The following ARHGAP26 variants were observed in gnomAD, a reference collection of about 807,000 sequenced individuals.
The protein encoded by ARHGAP26 is Rho GTPase activating protein 26, also known as rho GTPase-activating protein 26.
ARHGAP26 carries 38 observed loss-of-function variants against 104.8 expected under a neutral mutation model. The observed-to-expected ratio is 0.36, with a 90% CI of 0.28 to 0.48. The LOEUF (loss-of-function observed/expected upper bound fraction) is 0.48. ARHGAP26 is among the 20% of genes least tolerant of loss of function. The pLI is 0.99. For missense variants in ARHGAP26, 704 were observed against 947.9 expected, an observed-to-expected ratio of 0.74 and a Z score of 3.38; for synonymous variants, 341 against 340.0, an observed-to-expected ratio of 1.00 and a Z score of -0.03.
At chr5:142,877,904 T>C (rs945443864) in intron 3 of ARHGAP26, among the ~76,000 whole-genome samples, 8 of 152,152 alleles carry the variant, frequency 5.3e-5, no homozygotes, top group Non-Finnish European at 1.2e-4. Context: ...TTGCAGATGG[T>C]TTGTGGAGAA....
chr5:143,064,623 A>G (rs1787220779), intron 17 of ARHGAP26, among the ~76,000 whole-genome samples: 1 of 152,178 alleles, frequency 6.6e-6, no homozygotes, highest in Admixed American at 6.5e-5. Flanking sequence ...GAGCACAACG[A>G]CATATTTTAA....
At chr5:142,866,430 T>G (rs1754295252) in intron 1 of ARHGAP26, among the ~76,000 whole-genome samples, 1 of 152,160 alleles carries the variant, frequency 6.6e-6, no homozygotes, top group Non-Finnish European at 1.5e-5. Context: ...TAATATCTAC[T>G]CAACAGAATG....
At chr5:142,785,927 C>T (rs1029004278) in intron 1 of ARHGAP26, among the ~76,000 whole-genome samples, 1 of 151,844 alleles carries the variant, frequency 6.6e-6, no homozygotes, top group Non-Finnish European at 1.5e-5. Flanking sequence ...GGCCTTCTAC[C>T]ATCTCTCTCT....
At chr5:142,790,179 G>C (rs1013341933) in intron 1 of ARHGAP26, among the ~76,000 whole-genome samples, 1 of 152,172 alleles carries the variant, frequency 6.6e-6, no homozygotes, top group Admixed American at 6.5e-5. Flanking sequence ...ATAGTGTAAA[G>C]TACCATGATG....
rs1427468777 is a variant in ARHGAP26 at position 143,134,106 on chromosome 5, G to A, written c.1837+1G>A. 8.1e-6 allele frequency: 13 copies of A among 1,608,546 alleles called. No individual in the cohort carries two copies. The highest frequency in any genetic ancestry group is 1.1e-5 in the South Asian group (1 of 90,010). ...CACACCGTTCAGTCAACAGAGAAACGTGAGTCTTTGCTGCATAGGGCCAGC... is the reference window on the plus strand; with the variant it reads ...CACACCGTTCAGTCAACAGAGAAACATGAGTCTTTGCTGCATAGGGCCAGC... On this transcript the variant is annotated splice_donor_variant, in intron 19 of 22. Transcript: ENST00000645722. LOFTEE classifies it high-confidence loss of function.
rs531571766 is a variant in ARHGAP26, at chr5:143,000,198, A to G, written c.1108-13882A>G. Among the ~76,000 whole-genome samples the G allele has an allele frequency of 2.6e-4, 40 of 152,320 alleles. No homozygotes were observed. The South Asian group carries it at 8.3e-3, about 32-fold the overall frequency. On this transcript the variant is annotated intron_variant, in intron 11 of 22. Coordinates refer to ENST00000645722, the MANE Select transcript of ARHGAP26 (RefSeq NM_001135608.3). ...GGGGTGTAAGTAAAATGGCACAACT[A>G]CTGTCGACAAAGGCTTGGAAGTTTT...
intron 5 of ARHGAP26, among the ~76,000 whole-genome samples, chr5:142,893,607 A>G (rs1232783451): frequency 2.0e-5 from 3 of 152,212 alleles, no homozygotes; most frequent in African/African-American, 7.2e-5. Context: ...TCTTTGGATA[A>G]ATACCAAGTA....
chr5:143,200,790 A>G (rs376615311), intron 20 of ARHGAP26, among the ~76,000 whole-genome samples: 2 of 152,242 alleles, frequency 1.3e-5, no homozygotes, highest in Non-Finnish European at 2.9e-5. Flanking sequence ...CTCCAGTTAC[A>G]GAACCTCTCA....
intron 11 of ARHGAP26, among the ~76,000 whole-genome samples, chr5:142,985,981 T>C (rs183943121): frequency 0.014 from 2,150 of 152,208 alleles, 55 homozygotes; most frequent in African/African-American, 0.045. Flanking sequence ...GTGTATGTGT[T>C]TTTATAGCAG....
chr5:143,006,359 GCTCT>G (rs567460083), intron 11 of ARHGAP26, among the ~76,000 whole-genome samples: 142 of 128,976 alleles, frequency 1.1e-3, no homozygotes, highest in African/African-American at 4.0e-3. Context: ...TCTCTCTTAT[GCTCT>G]CTATTTATCC....
rs193121897 is a variant in ARHGAP26 at position 142,854,079 on chromosome 5, T to G, written c.155-19321T>G. On this transcript the variant is annotated intron_variant, in intron 1 of 22. Transcript: ENST00000645722. The stretch of plus-strand genomic sequence containing the variant: ...AATGAGTAGCAAAATATTGGGGAAA[T>G]TATTATGTTTTTAAAAGCTTGTCAC... 1.5e-4 allele frequency among the ~76,000 whole-genome samples: 23 copies of G among 152,172 alleles called. 1 individual carries two copies. The East Asian group carries it at 3.7e-3, about 24-fold the overall frequency.
intron 1 of ARHGAP26, among the ~76,000 whole-genome samples, chr5:142,811,391 C>A (rs1365189919): frequency 2.0e-5 from 3 of 152,236 alleles, no homozygotes; most frequent in African/African-American, 7.2e-5. Context: ...CTTCAGCAAG[C>A]TCTCTCCATC....
At chr5:143,084,246 T>A (rs1214611002) in intron 17 of ARHGAP26, among the ~76,000 whole-genome samples, 2 of 152,170 alleles carry the variant, frequency 1.3e-5, no homozygotes, top group Non-Finnish European at 2.9e-5. Flanking sequence ...TTTAAAAAAT[T>A]AAAAAATAAG....
chr5:143,069,529 A>G (rs1262120043), intron 17 of ARHGAP26, among the ~76,000 whole-genome samples: 1 of 152,218 alleles, frequency 6.6e-6, no homozygotes, highest in African/African-American at 2.4e-5. Context: ...AGGTCCCCAC[A>G]TCTGTACTAA....
intron 1 of ARHGAP26, among the ~76,000 whole-genome samples, chr5:142,788,927 T>TA (rs1759215182): frequency 6.6e-6 from 1 of 152,236 alleles, no homozygotes; most frequent in Admixed American, 6.5e-5. Context: ...ACAGTCTTAA[T>TA]GAGGTATGTA....
intron 1 of ARHGAP26, among the ~76,000 whole-genome samples, chr5:142,848,263 G>C (rs1410630673): frequency 6.6e-6 from 1 of 152,196 alleles, no homozygotes; most frequent in Non-Finnish European, 1.5e-5. Context: ...TCTGGACAGT[G>C]AATCTGATAC....
At chr5:142,771,003 C>T in intron 1 of ARHGAP26, 88 bp downstream of exon 1, 1 of 1,482,324 alleles carries the variant, frequency 6.7e-7, no homozygotes, top group Non-Finnish European at 9.0e-7. Flanking sequence ...GCGCGTCTGC[C>T]GGGTTTCTGC....
At chr5:142,925,941 G>A (rs1032361843) in intron 10 of ARHGAP26, among the ~76,000 whole-genome samples, 1 of 152,180 alleles carries the variant, frequency 6.6e-6, no homozygotes, top group African/African-American at 2.4e-5. Flanking sequence ...TTTCAGTGGG[G>A]TGGAGTTAGT....
chr5:143,145,529 A>C (rs1799051218), intron 19 of ARHGAP26, among the ~76,000 whole-genome samples: 1 of 152,192 alleles, frequency 6.6e-6, no homozygotes, highest in Non-Finnish European at 1.5e-5. Flanking sequence ...TGGCACATCC[A>C]ATCTCTCAAT....
Sources: gnomAD v4.1 joint callset for allele counts (sites outside exome capture counted in the v4.1 genomes callset) on GRCh38, gnomAD v4.1.1 for gene constraint, MANE v1.5 for transcripts, NCBI Gene and HGNC (gene_info 2026-07-23, HGNC 2026-07-21) for gene names.